SLC2A13: variants seen among roughly 807,000 people sequenced by gnomAD.
The protein encoded by SLC2A13 is solute carrier family 2 member 13.
SLC2A13 carries 32 observed loss-of-function variants against 64.4 expected under a neutral mutation model. That is an observed-to-expected ratio of 0.50 (90% CI 0.37 to 0.67). The LOEUF (loss-of-function observed/expected upper bound fraction) is 0.67. Among genes scored for constraint, SLC2A13 ranks in the 30% least tolerant of loss-of-function variants. The probability of loss-of-function intolerance (pLI) is 0.00; values close to 1 mark genes in which losing one functional copy is unlikely to be tolerated. For missense variants in SLC2A13, 743 were observed against 829.2 expected, an observed-to-expected ratio of 0.90 and a Z score of 1.28; for synonymous variants, 338 against 327.1, an observed-to-expected ratio of 1.03 and a Z score of -0.36.
chr12:39,971,997 A>AAAATATATATATATATATAT lies in SLC2A13; in HGVS notation c.926-20633_926-20632insATATATATATATATATATTT, dbSNP rs1375405006. Among the ~76,000 whole-genome samples the AAAATATATATATATATATAT allele has an allele frequency of 6.2e-4, 48 of 77,308 alleles. 1 individual carries two copies. Among genetic ancestry groups the AAAATATATATATATATATAT allele is most frequent in the Non-Finnish European group, 1.1e-3 (44 of 40,260 alleles). The allele number at this position is 77,308 out of a possible 152,430, so 50.7% of individuals were successfully genotyped here. A position where few individuals can be genotyped will look rare whatever the true frequency, so the allele number is the denominator to read the frequency against. Reference sequence around the variant, plus strand: ...GAGTGTCTCCAGAAAAAAAAAAAAAAATATATATATATATATATTTTTTTT... The same window carrying AAAATATATATATATATATAT: ...GAGTGTCTCCAGAAAAAAAAAAAAAAAAATATATATATATATATATATATATATATATATATATTTTTTTT... On this transcript the variant is annotated intron_variant, in intron 3 of 9. Coordinates refer to ENST00000280871, the MANE Select transcript of SLC2A13 (RefSeq NM_052885.4).
rs78204210 is a variant in SLC2A13, at chr12:39,947,333, G to T, written c.1034+3924C>A. Among the ~76,000 whole-genome samples the T allele has an allele frequency of 2.6e-5, 4 of 152,214 alleles. No homozygotes were observed. The East Asian group carries it at 7.7e-4, about 29-fold the overall frequency. On this transcript the variant is annotated intron_variant, in intron 4 of 9. Coordinates refer to ENST00000280871, the MANE Select transcript of SLC2A13 (RefSeq NM_052885.4). Reference sequence around the variant, plus strand: ...TAAAAGAGAGTCATTTAACCACTTGGTCTTCTTAGGTAAAAATCTGATACC... The same window carrying T: ...TAAAAGAGAGTCATTTAACCACTTGTTCTTCTTAGGTAAAAATCTGATACC...
intron 1 of SLC2A13, among the ~76,000 whole-genome samples, chr12:40,098,602 G>A (rs758398073): frequency 5.9e-5 from 9 of 152,246 alleles, no homozygotes; most frequent in Non-Finnish European, 7.3e-5. Context: ...GTGAGTGAGT[G>A]AGTGAGTGTC....
intron 3 of SLC2A13, among the ~76,000 whole-genome samples, chr12:40,015,009 C>A (rs1947600293): frequency 1.3e-5 from 2 of 152,114 alleles, no homozygotes; most frequent in Admixed American, 1.3e-4. Context: ...AGGTACGTCT[C>A]TATTCCTGCT....
intron 4 of SLC2A13, among the ~76,000 whole-genome samples, chr12:39,912,955 C>A (rs1945455497): frequency 6.6e-6 from 1 of 152,092 alleles, no homozygotes; most frequent in Non-Finnish European, 1.5e-5. Flanking sequence ...GGAAGAAGTA[C>A]TAGTGGCTTC....
At chr12:39,885,887 G>A (rs1367233393) in intron 4 of SLC2A13, among the ~76,000 whole-genome samples, 3 of 152,098 alleles carry the variant, frequency 2.0e-5, no homozygotes, top group South Asian at 4.1e-4. Context: ...AGATTCTAAC[G>A]TATTTGGTTC....
chr12:39,756,616 T>G lies in SLC2A13; in HGVS notation c.*3410A>C, dbSNP rs1177336573. 1 of 151,866 alleles carries G rather than the reference T, an allele frequency of 6.6e-6. No individual in the cohort carries two copies. The highest frequency in any genetic ancestry group is 1.5e-5 in the Non-Finnish European group (1 of 67,710). The allele number at this position is 151,866 out of a possible 1,614,324, so 9.4% of individuals were successfully genotyped here. On this transcript the variant is annotated 3_prime_UTR_variant, in exon 10 of 10. Transcript: ENST00000280871. ...ATATGGATGGTATTTTCTAAAACAT[T>G]CTTCCATTTCCACCAACTTCTGGAT...
intron 3 of SLC2A13, among the ~76,000 whole-genome samples, chr12:39,998,764 G>A (rs1193636576): frequency 2.0e-5 from 3 of 152,174 alleles, no homozygotes; most frequent in African/African-American, 7.2e-5. Context: ...AGACTTTGGA[G>A]GACTGTTGGG....
Position 39,764,752 on chromosome 12 carries a change from C to A in SLC2A13, c.1552G>T (p.Val518Phe), listed in dbSNP as rs1272575753. ...CTTTGTTTACCAGGTGCAAAGAAGA[C>A]AAGATATAAAATAAGGCCCAGAAGT... ...TALLGLILYL[V>F]FFAPGMGPMP... Residue 518 changes from valine to phenylalanine, a missense_variant, in exon 8 of 10, where the codon GTC becomes TTC. By Grantham distance (50) the Val-to-Phe change is conservative. This residue lies in a region of SLC2A13 where 295 missense variants were observed against 381.7 expected (regional missense o/e 0.77). Coordinates refer to ENST00000280871, the MANE Select transcript of SLC2A13 (RefSeq NM_052885.4). 3 of 1,612,546 alleles carry A rather than the reference C, an allele frequency of 1.9e-6. No individual in the cohort carries two copies. The Admixed American group carries it at 5.0e-5, about 27-fold the overall frequency.
chr12:39,928,966 C>T (rs1311913084), intron 4 of SLC2A13, among the ~76,000 whole-genome samples: 2 of 152,162 alleles, frequency 1.3e-5, no homozygotes, highest in Non-Finnish European at 2.9e-5. Flanking sequence ...ACTCCACTGC[C>T]AAGATCCTTT....
intron 4 of SLC2A13, among the ~76,000 whole-genome samples, chr12:39,942,895 T>G (rs538486521): frequency 6.6e-6 from 1 of 152,320 alleles, no homozygotes; most frequent in East Asian, 1.9e-4. Context: ...CATGGATTTA[T>G]CTACCTCTGG....
chr12:40,103,055 C>G (rs1370142976), intron 1 of SLC2A13, among the ~76,000 whole-genome samples: 1 of 152,158 alleles, frequency 6.6e-6, no homozygotes, highest in Non-Finnish European at 1.5e-5. Flanking sequence ...AGATGGGCCA[C>G]ACCAGAACTG....
intron 1 of SLC2A13, among the ~76,000 whole-genome samples, chr12:40,096,713 G>A (rs1264299573): frequency 1.3e-5 from 2 of 151,568 alleles, no homozygotes; most frequent in South Asian, 2.1e-4. Flanking sequence ...TCCTATACTG[G>A]TTTTAATAAT....
At chr12:40,092,540 T>A (rs1341958300) in intron 1 of SLC2A13, among the ~76,000 whole-genome samples, 1 of 152,194 alleles carries the variant, frequency 6.6e-6, no homozygotes, top group Non-Finnish European at 1.5e-5. Flanking sequence ...CTTACACATG[T>A]TTTTTGTCCC....
chr12:39,809,717 TCA>T, intron 7 of SLC2A13, among the ~76,000 whole-genome samples: 1 of 152,270 alleles, frequency 6.6e-6, no homozygotes, highest in Admixed American at 6.5e-5. Flanking sequence ...CCATGTGTTC[TCA>T]TTGTTCAGTT....
intron 3 of SLC2A13, among the ~76,000 whole-genome samples, chr12:40,002,061 A>G (rs1245129417): frequency 6.6e-6 from 1 of 152,246 alleles, no homozygotes; most frequent in East Asian, 1.9e-4. Flanking sequence ...CCAACTAACA[A>G]CTGAAATTAA....
At chr12:40,007,130 C>G (rs147788099) in intron 3 of SLC2A13, among the ~76,000 whole-genome samples, 1 of 152,184 alleles carries the variant, frequency 6.6e-6, no homozygotes, top group Non-Finnish European at 1.5e-5. Flanking sequence ...GAGCCCCTCC[C>G]ACCTTTGCTC....
At chr12:39,960,079 C>CT (rs968740378) in intron 3 of SLC2A13, among the ~76,000 whole-genome samples, 2 of 152,150 alleles carry the variant, frequency 1.3e-5, no homozygotes, top group East Asian at 1.9e-4. Flanking sequence ...GACAGGGCCA[C>CT]TTTTTTTTCC....
At chr12:39,840,469 C>T (rs1943152474) in intron 6 of SLC2A13, among the ~76,000 whole-genome samples, 1 of 151,998 alleles carries the variant, frequency 6.6e-6, no homozygotes, top group Admixed American at 6.6e-5. Context: ...TAGCCCCTGC[C>T]CATCTTGCCT....
chr12:40,056,929 G>A (rs1161022666), intron 1 of SLC2A13, among the ~76,000 whole-genome samples: 2 of 152,038 alleles, frequency 1.3e-5, no homozygotes, highest in Non-Finnish European at 2.9e-5. Flanking sequence ...GCAGTGAGTC[G>A]AGATCGCGCC....
Sources: allele counts gnomAD v4.1 joint callset (sites outside exome capture counted in the v4.1 genomes callset), GRCh38; gene constraint gnomAD v4.1.1; regional missense constraint gnomAD v4.1.1; transcripts MANE v1.5; gene names NCBI Gene and HGNC (gene_info 2026-07-23, HGNC 2026-07-21).